RAB2B: variants seen among roughly 807,000 people sequenced by gnomAD.
RAB2B encodes the protein RAB2B, member RAS oncogene family, also known as ras-related protein Rab-2B.
A neutral mutation model predicts 29.8 loss-of-function variants in RAB2B; 20 were observed. That is an observed-to-expected ratio of 0.67 (90% confidence interval 0.47 to 0.97). The LOEUF is 0.97. Ranked by LOEUF, RAB2B falls within the 50% of genes least tolerant of loss-of-function variation. The probability of loss-of-function intolerance (pLI) is 0.00; values close to 1 mark genes in which losing one functional copy is unlikely to be tolerated. For missense variants in RAB2B, 218 were observed against 272.0 expected (o/e 0.80, Z 1.40); for synonymous variants, 93 against 91.7 (o/e 1.01, Z -0.08).
intron 2 of RAB2B, among the ~76,000 whole-genome samples, chr14:21,475,430 C>CTTTTTTT (rs11408746): frequency 7.7e-6 from 1 of 129,526 alleles, no homozygotes; most frequent in African/African-American, 2.9e-5. Flanking sequence ...AGAAACAATA[C>CTTTTTTT]TTTTTTTTTT....
intron 3 of RAB2B, 40 bp downstream of exon 3, chr14:21,474,827 T>G: frequency 6.5e-7 from 1 of 1,532,296 alleles, no homozygotes. Flanking sequence ...CTTGTTATAC[T>G]TGGATATTGG....
chr14:21,464,949 T>G (rs1450307286), intron 5 of RAB2B, among the ~76,000 whole-genome samples: 1 of 151,908 alleles, frequency 6.6e-6, no homozygotes, highest in Non-Finnish European at 1.5e-5. Flanking sequence ...TGCCGTGAGC[T>G]GAGCACGTTA....
chr14:21,468,665 C>T lies in RAB2B; in HGVS notation c.269+5G>A, dbSNP rs760130825. 4 of 1,554,102 alleles carry T rather than the reference C, an allele frequency of 2.6e-6. No homozygotes were observed. Among genetic ancestry groups the T allele is most frequent in the Non-Finnish European group, 3.5e-6 (4 of 1,154,896 alleles). Reference sequence around the variant, plus strand: ...TCTCCCTCCCATGCACCAGATCTGGCTCACCTTGTAATGTCGTACACCAGC... The same window carrying T: ...TCTCCCTCCCATGCACCAGATCTGGTTCACCTTGTAATGTCGTACACCAGC... On this transcript the variant is annotated splice_donor_5th_base_variant and intron_variant, in intron 4 of 7. Coordinates refer to ENST00000397762, the MANE Select transcript of RAB2B (RefSeq NM_032846.4).
chr14:21,472,878 GT>G lies in RAB2B; in HGVS notation c.186+1988del, dbSNP rs200145759. On this transcript the variant is annotated intron_variant, in intron 3 of 7. Coordinates refer to ENST00000397762, the MANE Select transcript of RAB2B (RefSeq NM_032846.4). ...CATTCCATTAAATGGCACTTATTGG[GT>G]TTTTTTCCCCAGCATCAAAACATTC... 3.2e-3 allele frequency among the ~76,000 whole-genome samples: 484 copies of G among 151,948 alleles called. 2 individuals carry two copies. The highest frequency in any genetic ancestry group is 0.011 in the African/African-American group (472 of 41,462).
At position 21,476,676 on chromosome 14, in the gene RAB2B, A is replaced by AG. The variant is rs776866862; in HGVS notation, c.47-78dup. On this transcript the variant is annotated intron_variant, in intron 1 of 7. Transcript: ENST00000397762. ...GAGTATGGACTTCCCGGACCAGAGA[A>AG]GGGGGGCTCCCGAGCCCCGCCCCCG... The AG allele has an allele frequency of 7.4e-6, 12 of 1,612,548 alleles. No homozygotes were observed. The South Asian group carries it at 9.9e-5, about 13-fold the overall frequency.
At chr14:21,473,566 T>C (rs575857062) in intron 3 of RAB2B, among the ~76,000 whole-genome samples, 3 of 152,300 alleles carry the variant, frequency 2.0e-5, no homozygotes, top group South Asian at 2.1e-4. Flanking sequence ...TTCTCAAACA[T>C]TGGCATAAAA....
chr14:21,462,647 C>A (rs1391361995), intron 6 of RAB2B, among the ~76,000 whole-genome samples: 1 of 151,880 alleles, frequency 6.6e-6, no homozygotes, highest in East Asian at 1.9e-4. Flanking sequence ...CGAGACCAGC[C>A]TGCCCAACAT....
chr14:21,462,865 G>C (rs139485121), intron 6 of RAB2B, among the ~76,000 whole-genome samples: 1 of 141,914 alleles, frequency 7.0e-6, no homozygotes, highest in Non-Finnish European at 1.5e-5. Flanking sequence ...AATCAAAAAA[G>C]AAAAAAAACA....
chr14:21,469,968 T>G (rs548175807), intron 3 of RAB2B, among the ~76,000 whole-genome samples: 1 of 149,310 alleles, frequency 6.7e-6, no homozygotes, highest in African/African-American at 2.6e-5. Context: ...CTTTTTTTTT[T>G]TGAGAGGGAG....
At chr14:21,476,677 G>C (rs761752010) in intron 1 of RAB2B, 78 bp from the exon 2 acceptor site, 4 of 1,612,316 alleles carry the variant, frequency 2.5e-6, no homozygotes, top group Middle Eastern at 1.6e-4. Flanking sequence ...GACCAGAGAA[G>C]GGGGGCTCCC....
chr14:21,469,949 TTTTTTTTTC>T (rs1191429706), intron 3 of RAB2B, among the ~76,000 whole-genome samples: 2 of 142,382 alleles, frequency 1.4e-5, no homozygotes, highest in African/African-American at 6.1e-5. Context: ...TTATTCCCTT[TTTTTTTTTC>T]TTTTTTTTTT....
chr14:21,470,775 C>T (rs574138795), intron 3 of RAB2B, among the ~76,000 whole-genome samples: 2 of 152,128 alleles, frequency 1.3e-5, no homozygotes, highest in African/African-American at 4.8e-5. Flanking sequence ...GAGGGAGGCC[C>T]ACATGATGGT....
intron 2 of RAB2B, 148 bp downstream of exon 2, chr14:21,476,380 T>C (rs1190638339): frequency 1.9e-5 from 14 of 754,354 alleles, no homozygotes; most frequent in South Asian, 3.5e-5. Context: ...AACGTTTCAT[T>C]GGTCACTTCA....
rs770506562 is a variant in RAB2B, at chr14:21,460,240, A to C, written c.*956T>G. 1 of 518,882 alleles carries C rather than the reference A, an allele frequency of 1.9e-6. No homozygotes were observed. Among genetic ancestry groups the C allele is most frequent in the East Asian group, 5.4e-5 (1 of 18,356 alleles). 32.1% of individuals were successfully genotyped at this position (518,882 alleles called of 1,614,324 possible). On this transcript the variant is annotated 3_prime_UTR_variant, in exon 8 of 8. Coordinates refer to ENST00000397762, the MANE Select transcript of RAB2B (RefSeq NM_032846.4). Reference sequence around the variant, plus strand: ...TCTAGGTAATTGCAAGTGTTCAAATAGAATGTCTTTGACCCTAATTCTTAG... The same window carrying C: ...TCTAGGTAATTGCAAGTGTTCAAATCGAATGTCTTTGACCCTAATTCTTAG...
chr14:21,462,021 C>G (rs1369515321), intron 7 of RAB2B, among the ~76,000 whole-genome samples: 8 of 152,146 alleles, frequency 5.3e-5, no homozygotes, highest in Non-Finnish European at 1.2e-4. Flanking sequence ...ATAGAAATTA[C>G]TCTCCTAAGC....
chr14:21,463,675 G>A lies in RAB2B; in HGVS notation c.455C>T (p.Thr152Ile). 1 of 1,613,150 alleles carries A rather than the reference G, an allele frequency of 6.2e-7. No homozygotes were observed. Among genetic ancestry groups the A allele is most frequent in the Non-Finnish European group, 8.5e-7 (1 of 1,179,084 alleles). The change falls in exon 6 of 8, where the codon ACA (threonine) becomes ATA (isoleucine). Residue 152 changes from threonine to isoleucine, a missense_variant. Coordinates refer to ENST00000397762, the MANE Select transcript of RAB2B (RefSeq NM_032846.4). Reference protein sequence around the residue: ...GLIFMETSAKTACNVEEAFIN... With the variant: ...GLIFMETSAKIACNVEEAFIN... Reference sequence around the variant, plus strand: ...TAGTACCTCTTCAACATTGCAGGCTGTTTTGGCTGAAGTTTCCATGAATAT... The same window carrying A: ...TAGTACCTCTTCAACATTGCAGGCTATTTTGGCTGAAGTTTCCATGAATAT...
chr14:21,476,759 C>T (rs767286631), intron 1 of RAB2B, 68 bp downstream of exon 1: 3 of 1,602,340 alleles, frequency 1.9e-6, no homozygotes, highest in Non-Finnish European at 2.6e-6. Flanking sequence ...TGAGCCCCGC[C>T]CCCGCCACCC....
At chr14:21,472,240 G>T (rs1051982801) in intron 3 of RAB2B, among the ~76,000 whole-genome samples, 2 of 152,124 alleles carry the variant, frequency 1.3e-5, no homozygotes, top group Non-Finnish European at 2.9e-5. Context: ...TCATTAGCAT[G>T]ATTATTTAGG....
chr14:21,468,604 A>G (rs1185756972), intron 4 of RAB2B, 66 bp downstream of exon 4: 10 of 365,580 alleles, frequency 2.7e-5, no homozygotes, highest in Non-Finnish European at 3.0e-5. Context: ...CAGTAGATAG[A>G]AAAAAAAAAA....
Sources: gnomAD v4.1 joint callset for allele counts (sites outside exome capture counted in the v4.1 genomes callset) on GRCh38, gnomAD v4.1.1 for gene constraint, MANE v1.5 for transcripts, NCBI Gene and HGNC (gene_info 2026-07-23, HGNC 2026-07-21) for gene names.